Variants in AJAP1 observed in about 807,000 individuals in gnomAD.
AJAP1 encodes adherens junction-associated protein 1.
Under a neutral mutation model 35.0 loss-of-function variants are expected in AJAP1, and 5 were observed. That is an observed-to-expected ratio of 0.14 (90% CI 0.07 to 0.30). AJAP1 has a LOEUF of 0.30. Ranked by LOEUF, AJAP1 falls within the 10% of genes least tolerant of loss-of-function variation. The pLI is 1.00. For missense variants in AJAP1, 586 were observed against 571.0 expected (o/e 1.03, Z -0.27); for synonymous variants, 284 against 249.3 (o/e 1.14, Z -1.31).
intron 1 of AJAP1, among the ~76,000 whole-genome samples, chr1:4,664,973 G>A (rs971978910): frequency 6.6e-6 from 1 of 152,148 alleles, no homozygotes; most frequent in Non-Finnish European, 1.5e-5. Flanking sequence ...TCTGAACCAC[G>A]ATGTCAGCCT....
At chr1:4,751,329 A>G (rs115240934) in intron 2 of AJAP1, among the ~76,000 whole-genome samples, 116 of 152,284 alleles carry the variant, frequency 7.6e-4, no homozygotes, top group African/African-American at 2.5e-3. Context: ...GCTCAGTTCC[A>G]GAATGTAGCT....
intron 1 of AJAP1, among the ~76,000 whole-genome samples, chr1:4,659,747 T>TC (rs767426930): frequency 6.6e-6 from 1 of 152,196 alleles, no homozygotes; most frequent in Non-Finnish European, 1.5e-5. Context: ...GGGACTTGAC[T>TC]CTGGAGGTGG....
intron 2 of AJAP1, among the ~76,000 whole-genome samples, chr1:4,748,431 C>T (rs542548077): frequency 2.0e-5 from 3 of 152,214 alleles, no homozygotes; most frequent in South Asian, 2.1e-4. Flanking sequence ...CTGGTAGTCA[C>T]GACGTTGTGG....
At chr1:4,664,858 C>G (rs1639081103) in intron 1 of AJAP1, among the ~76,000 whole-genome samples, 1 of 152,098 alleles carries the variant, frequency 6.6e-6, no homozygotes, top group African/African-American at 2.4e-5. Flanking sequence ...AAGCAATCAC[C>G]CACGGATGGT....
At chr1:4,727,674 G>A (rs972288298) in intron 2 of AJAP1, among the ~76,000 whole-genome samples, 16 of 152,218 alleles carry the variant, frequency 1.1e-4, no homozygotes, top group Admixed American at 1.0e-3. Context: ...CCCTTCCCCT[G>A]GAGTGTGGAT....
intron 1 of AJAP1, among the ~76,000 whole-genome samples, chr1:4,699,209 G>C (rs1386562290): frequency 1.3e-5 from 2 of 152,180 alleles, no homozygotes; most frequent in East Asian, 3.9e-4. Flanking sequence ...CTGACCCCAA[G>C]CTGCTTCTTG....
At position 4,692,908 on chromosome 1, in the gene AJAP1, G is replaced by A. The variant is rs952987079; in HGVS notation, c.30-18992G>A. ...TGCTGGAACTGGACAGGGAAGGGAC[G>A]AGGTGTGCCCCATTCTGGAACCCAG... On this transcript the variant is annotated intron_variant, in intron 1 of 5. Coordinates refer to ENST00000378191, the MANE Select transcript of AJAP1 (RefSeq NM_018836.4). This position sits in a 1 kb window ranked among gnomAD's most constrained non-coding sequence, Gnocchi z 4.4. Among the ~76,000 whole-genome samples, 8 of 152,258 alleles carry A rather than the reference G, an allele frequency of 5.3e-5. No homozygotes were observed. Among genetic ancestry groups the A allele is most frequent in the African/African-American group, 1.2e-4 (5 of 41,466 alleles).
intron 2 of AJAP1, among the ~76,000 whole-genome samples, chr1:4,737,408 T>C (rs1275639535): frequency 6.6e-6 from 1 of 151,124 alleles, no homozygotes; most frequent in Non-Finnish European, 1.5e-5. Context: ...TGGGGTGAGA[T>C]TTTTTTTTCT....
chr1:4,664,202 C>G (rs1639065442), intron 1 of AJAP1, among the ~76,000 whole-genome samples: 1 of 152,200 alleles, frequency 6.6e-6, no homozygotes, highest in Admixed American at 6.5e-5. Flanking sequence ...GCTCCAGCAT[C>G]TGGCCTCTGA....
chr1:4,662,527 G>A (rs1024295694), intron 1 of AJAP1, among the ~76,000 whole-genome samples: 1 of 152,184 alleles, frequency 6.6e-6, no homozygotes, highest in Non-Finnish European at 1.5e-5. Context: ...GGGGAGCAGC[G>A]CTGCCATGAA....
At chr1:4,752,096 T>C (rs1212642409) in intron 2 of AJAP1, among the ~76,000 whole-genome samples, 1 of 147,262 alleles carries the variant, frequency 6.8e-6, no homozygotes, top group Non-Finnish European at 1.5e-5. Context: ...CTCAGACACA[T>C]GAGAAAGGGA....
At chr1:4,781,809 C>T (rs1022121712) in intron 5 of AJAP1, among the ~76,000 whole-genome samples, 6 of 152,150 alleles carry the variant, frequency 3.9e-5, no homozygotes, top group Non-Finnish European at 7.4e-5. Context: ...TGCTGACCTA[C>T]TGGGGGCTCT....
Position 4,712,624 on chromosome 1 carries a change from A to C in AJAP1, c.754A>C (p.Thr252Pro). 1 of 1,578,128 alleles carries C rather than the reference A, an allele frequency of 6.3e-7. No individual in the cohort carries two copies. The highest frequency in any genetic ancestry group is 8.6e-7 in the Non-Finnish European group (1 of 1,157,498). ...PRRRIPGGVS[T>P]TEPSTSPSNN... ...GAGAAGGATCCCAGGTGGGGTTAGC[A>C]CAACGGAGCCTTCCACCAGTCCCAG... The change falls in exon 2 of 6, where the codon ACA (threonine) becomes CCA (proline). Residue 252 changes from threonine (T) to proline (P), a missense_variant. Transcript: ENST00000378191.
intron 2 of AJAP1, among the ~76,000 whole-genome samples, chr1:4,749,861 C>G (rs548012687): frequency 6.6e-6 from 1 of 151,998 alleles, no homozygotes; most frequent in African/African-American, 2.4e-5. Context: ...CATGCCCGTG[C>G]GTCTGTGTTT....
At chr1:4,700,745 G>A (rs1639969571) in intron 1 of AJAP1, among the ~76,000 whole-genome samples, 2 of 152,170 alleles carry the variant, frequency 1.3e-5, no homozygotes, top group African/African-American at 2.4e-5. Context: ...ACTTGGCTAG[G>A]CTGCCCAGCA....
intron 5 of AJAP1, among the ~76,000 whole-genome samples, chr1:4,779,212 A>C (rs1341007290): frequency 6.6e-6 from 1 of 152,242 alleles, no homozygotes; most frequent in Non-Finnish European, 1.5e-5. Context: ...ACTTGAAATC[A>C]GGGAAGCTGG....
intron 2 of AJAP1, among the ~76,000 whole-genome samples, chr1:4,743,895 G>A (rs1009533538): frequency 6.6e-6 from 1 of 151,236 alleles, no homozygotes; most frequent in Non-Finnish European, 1.5e-5. Context: ...ACGGGAGAAG[G>A]TGGGGCCACG....
In AJAP1 at chr1:4,735,900, G is replaced by A. The variant is rs556119359; in HGVS notation, c.829+23201G>A. 9.2e-5 allele frequency among the ~76,000 whole-genome samples: 14 copies of A among 152,356 alleles called. No homozygotes were observed. The East Asian group carries it at 1.9e-3, about 21-fold the overall frequency. On this transcript the variant is annotated intron_variant, in intron 2 of 5. Coordinates refer to ENST00000378191, the MANE Select transcript of AJAP1 (RefSeq NM_018836.4). ...GGGCCCGCCTCCTGAGGGTCTCCACGGTGATCTTCAGCCTTTGCCATTGCT... is the reference window on the plus strand; with the variant it reads ...GGGCCCGCCTCCTGAGGGTCTCCACAGTGATCTTCAGCCTTTGCCATTGCT...
At chr1:4,768,362 C>T (rs942061731) in intron 2 of AJAP1, among the ~76,000 whole-genome samples, 5 of 152,132 alleles carry the variant, frequency 3.3e-5, no homozygotes, top group Non-Finnish European at 5.9e-5. Context: ...GAGAATCCCT[C>T]GTGAAAAACA....
Sources: allele counts gnomAD v4.1 joint callset (sites outside exome capture counted in the v4.1 genomes callset), GRCh38; gene constraint gnomAD v4.1.1; non-coding constraint Gnocchi (gnomAD v3.1); transcripts MANE v1.5; gene names NCBI Gene and HGNC (gene_info 2026-07-23, HGNC 2026-07-21).